The following MAGI2 variants were observed in gnomAD, a reference collection of about 807,000 sequenced individuals.
MAGI2 encodes the protein membrane associated guanylate kinase, WW and PDZ domain containing 2, also known as membrane-associated guanylate kinase, WW and PDZ domain-containing protein 2.
MAGI2 carries 35 observed loss-of-function variants against 133.3 expected under a neutral mutation model. That is an observed-to-expected ratio of 0.26 (90% CI 0.20 to 0.35). The LOEUF (loss-of-function observed/expected upper bound fraction) is 0.35, where lower values mean the gene tolerates loss of function less well. MAGI2 is among the 10% of genes least tolerant of loss of function. The probability of loss-of-function intolerance (pLI) is 1.00; values close to 1 mark genes in which losing one functional copy is unlikely to be tolerated. For missense variants in MAGI2, 1,636 were observed against 1,863.4 expected, an observed-to-expected ratio of 0.88 and a Z score of 2.25; for synonymous variants, 729 against 710.6, an observed-to-expected ratio of 1.03 and a Z score of -0.41.
chr7:79,333,843 AT>A (rs1234358491), intron 1 of MAGI2, among the ~76,000 whole-genome samples: 4 of 152,210 alleles, frequency 2.6e-5, no homozygotes, highest in African/African-American at 9.6e-5. Context: ...GAAGAAAAGT[AT>A]TTTTTAATAG....
chr7:78,739,085 CATTG>C (rs1021474442), intron 2 of MAGI2, among the ~76,000 whole-genome samples: 1 of 152,148 alleles, frequency 6.6e-6, no homozygotes, highest in African/African-American at 2.4e-5. Context: ...CTTCAGAGAG[CATTG>C]ATTGTTTTCA....
intron 1 of MAGI2, among the ~76,000 whole-genome samples, chr7:79,136,040 A>T (rs10248484): frequency 7.2e-6 from 1 of 139,388 alleles, no homozygotes; most frequent in Non-Finnish European, 1.5e-5. Context: ...AAAGAAAGAA[A>T]GAAAGAAGGA....
chr7:79,361,671 G>C (rs970142249), intron 1 of MAGI2, among the ~76,000 whole-genome samples: 1 of 152,094 alleles, frequency 6.6e-6, no homozygotes, highest in South Asian at 2.1e-4. Context: ...ACTCACAAGA[G>C]AGATCATGCT....
chr7:78,475,683 A>G (rs1440029009), intron 6 of MAGI2, among the ~76,000 whole-genome samples: 1 of 151,908 alleles, frequency 6.6e-6, no homozygotes, highest in Non-Finnish European at 1.5e-5. Context: ...TCATAATAGC[A>G]GACGGAATAA....
At chr7:78,765,354 T>TTTG (rs1178445687) in intron 2 of MAGI2, among the ~76,000 whole-genome samples, 13 of 141,664 alleles carry the variant, frequency 9.2e-5, no homozygotes, top group Middle Eastern at 3.5e-3. Context: ...TTTTTTTTTT[T>TTTG]TTTTTTTTTT....
chr7:78,325,455 T>TC (rs1376760953), intron 9 of MAGI2, among the ~76,000 whole-genome samples: 13 of 152,314 alleles, frequency 8.5e-5, no homozygotes, highest in African/African-American at 2.9e-4. Context: ...TGCCTGCTCC[T>TC]CCTTCTACTA....
At chr7:78,552,526 C>T (rs2150708579) in intron 3 of MAGI2, among the ~76,000 whole-genome samples, 1 of 152,234 alleles carries the variant, frequency 6.6e-6, no homozygotes, top group Non-Finnish European at 1.5e-5. Flanking sequence ...AAACGTGTAG[C>T]CGGCATGATA....
intron 9 of MAGI2, among the ~76,000 whole-genome samples, chr7:78,268,599 G>C (rs1794249175): frequency 6.6e-6 from 1 of 152,040 alleles, no homozygotes; most frequent in Non-Finnish European, 1.5e-5. Flanking sequence ...TAGTGGGTTT[G>C]GGGTTACATT....
rs541486645 is a variant in MAGI2 at position 78,882,294 on chromosome 7, C to G, written c.418+124796G>C. Among the ~76,000 whole-genome samples, 3 of 151,628 alleles carry G rather than the reference C, an allele frequency of 2.0e-5. No homozygotes were observed. The South Asian group carries it at 6.3e-4, about 32-fold the overall frequency. On this transcript the variant is annotated intron_variant, in intron 2 of 21. Transcript: ENST00000354212. Reference sequence around the variant, plus strand: ...AAATGAATAAATTCCTGGTAACATACAACTTCCCAAAATTGAATCAGGAAG... The same window carrying G: ...AAATGAATAAATTCCTGGTAACATAGAACTTCCCAAAATTGAATCAGGAAG...
At chr7:79,212,091 A>G (rs777135104) in intron 1 of MAGI2, among the ~76,000 whole-genome samples, 3 of 152,126 alleles carry the variant, frequency 2.0e-5, no homozygotes, top group Non-Finnish European at 4.4e-5. Flanking sequence ...AAAACCACAT[A>G]TGTATCCATA....
chr7:78,566,817 T>C (rs1800990134), intron 3 of MAGI2, among the ~76,000 whole-genome samples: 1 of 152,158 alleles, frequency 6.6e-6, no homozygotes, highest in Non-Finnish European at 1.5e-5. Context: ...TATAAAACTA[T>C]TATTTATAGC....
chr7:78,918,967 A>G (rs1279932441), intron 2 of MAGI2, among the ~76,000 whole-genome samples: 2 of 152,180 alleles, frequency 1.3e-5, no homozygotes, highest in Non-Finnish European at 2.9e-5. Flanking sequence ...GGGATTATAC[A>G]TCTAAAACAG....
chr7:78,972,296 C>T (rs1803858644), intron 2 of MAGI2, among the ~76,000 whole-genome samples: 1 of 151,842 alleles, frequency 6.6e-6, no homozygotes, highest in South Asian at 2.1e-4. Flanking sequence ...ATCCTCTTTT[C>T]AGAAAATATT....
intron 2 of MAGI2, among the ~76,000 whole-genome samples, chr7:78,725,859 T>C (rs886426827): frequency 6.6e-6 from 1 of 151,526 alleles, no homozygotes; most frequent in African/African-American, 2.4e-5. Context: ...CACTCCCTAG[T>C]CTTGGAAGCT....
intron 2 of MAGI2, among the ~76,000 whole-genome samples, chr7:78,699,203 G>C (rs1817819155): frequency 6.6e-6 from 1 of 152,090 alleles, no homozygotes; most frequent in South Asian, 2.1e-4. Context: ...TCTGCCTTGC[G>C]GGCTCAAACA....
At chr7:79,400,747 A>T (rs1220189529) in intron 1 of MAGI2, among the ~76,000 whole-genome samples, 1 of 152,166 alleles carries the variant, frequency 6.6e-6, no homozygotes, top group African/African-American at 2.4e-5. Flanking sequence ...TAGTGTACAT[A>T]CTATAATTAT....
At chr7:78,505,166 A>G (rs1794973729) in intron 4 of MAGI2, among the ~76,000 whole-genome samples, 2 of 152,156 alleles carry the variant, frequency 1.3e-5, no homozygotes, top group African/African-American at 4.8e-5. Context: ...TGAGTAAATT[A>G]GAATATCATC....
intron 10 of MAGI2, chr7:78,254,931 T>C (rs1792809581): frequency 6.6e-6 from 1 of 152,246 alleles, no homozygotes; most frequent in African/African-American, 2.4e-5. Context: ...ACACTACCAC[T>C]GGGTTAGGTA....
At chr7:79,219,677 T>C (rs1173420681) in intron 1 of MAGI2, among the ~76,000 whole-genome samples, 1 of 152,090 alleles carries the variant, frequency 6.6e-6, no homozygotes, top group Non-Finnish European at 1.5e-5. Context: ...TGAAGCTGTT[T>C]TGTGCTCATT....
Sources: allele counts gnomAD v4.1 joint callset (sites outside exome capture counted in the v4.1 genomes callset), GRCh38; gene constraint gnomAD v4.1.1; transcripts MANE v1.5; gene names NCBI Gene and HGNC (gene_info 2026-07-23, HGNC 2026-07-21).